ADGRG6: variants seen among roughly 807,000 people sequenced by gnomAD.
ADGRG6 encodes G-protein coupled receptor 126.
A neutral mutation model predicts 142.4 loss-of-function variants in ADGRG6; 84 were observed. That is an observed-to-expected ratio of 0.59 (90% CI 0.49 to 0.71). The LOEUF is 0.71. Ranked by LOEUF, ADGRG6 falls within the 30% of genes least tolerant of loss-of-function variation. The probability of loss-of-function intolerance (pLI) is 0.00; values close to 1 mark genes in which losing one functional copy is unlikely to be tolerated. For missense variants in ADGRG6, 1,367 were observed against 1,466.6 expected (o/e 0.93, Z 1.11); for synonymous variants, 521 against 520.5 (o/e 1.00, Z -0.01).
chr6:142,402,582 G>C (rs1213720498), intron 12 of ADGRG6, 38 bp from the exon 13 acceptor site: 2 of 1,042,332 alleles, frequency 1.9e-6, no homozygotes, highest in Non-Finnish European at 1.5e-6. Flanking sequence ...AAATATTCAG[G>C]TAAAACTTAG....
intron 21 of ADGRG6, 45 bp from the exon 22 acceptor site, chr6:142,419,776 C>T: frequency 6.9e-7 from 1 of 1,456,728 alleles, no homozygotes; most frequent in Non-Finnish European, 9.4e-7. Flanking sequence ...GTAAACAGGA[C>T]ATGGTAATAA....
At chr6:142,334,336 A>G (rs1779208142) in intron 2 of ADGRG6, among the ~76,000 whole-genome samples, 1 of 152,218 alleles carries the variant, frequency 6.6e-6, no homozygotes, top group Non-Finnish European at 1.5e-5. Context: ...ATTGCCAGAT[A>G]TATTACACTT....
chr6:142,418,307 A>C (rs1413864055), intron 21 of ADGRG6, among the ~76,000 whole-genome samples: 1 of 151,138 alleles, frequency 6.6e-6, no homozygotes, highest in Non-Finnish European at 1.5e-5. Flanking sequence ...AAAAAAAAAA[A>C]AAAAAAAAAA....
At chr6:142,405,618 T>A in intron 14 of ADGRG6, 70 bp from the exon 15 acceptor site, 1 of 1,249,166 alleles carries the variant, frequency 8.0e-7, no homozygotes, top group Admixed American at 1.9e-5. Flanking sequence ...CGCCTAACTA[T>A]ACATGTGGAA....
At chr6:142,431,218 A>C (rs1031086250) in intron 22 of ADGRG6, among the ~76,000 whole-genome samples, 1 of 152,162 alleles carries the variant, frequency 6.6e-6, no homozygotes, top group Non-Finnish European at 1.5e-5. Flanking sequence ...TTTAACAAGC[A>C]TGAAGGTTTT....
At chr6:142,361,026 A>G (rs941489537) in intron 2 of ADGRG6, among the ~76,000 whole-genome samples, 2 of 152,144 alleles carry the variant, frequency 1.3e-5, no homozygotes, top group African/African-American at 2.4e-5. Context: ...TTGAATTTCT[A>G]TAATGTCATC....
chr6:142,416,856 TAA>T (rs2115080321), intron 20 of ADGRG6, among the ~76,000 whole-genome samples: 2 of 152,274 alleles, frequency 1.3e-5, no homozygotes, highest in South Asian at 4.1e-4. Flanking sequence ...CCACTTTTTC[TAA>T]AGAGTTTTCT....
intron 2 of ADGRG6, among the ~76,000 whole-genome samples, chr6:142,366,325 A>G (rs1780939620): frequency 6.6e-6 from 1 of 152,198 alleles, no homozygotes; most frequent in Non-Finnish European, 1.5e-5. Context: ...TAGATCTCAT[A>G]GGACTTACAT....
intron 2 of ADGRG6, among the ~76,000 whole-genome samples, chr6:142,354,725 A>C (rs1780360133): frequency 1.3e-5 from 2 of 152,232 alleles, no homozygotes; most frequent in South Asian, 4.1e-4. Flanking sequence ...TTTAAAAGCT[A>C]TTCCTTTCAG....
At chr6:142,419,754 G>A (rs1053895085) in intron 21 of ADGRG6, 67 bp from the exon 22 acceptor site, 4 of 1,283,482 alleles carry the variant, frequency 3.1e-6, no homozygotes, top group African/African-American at 1.5e-5. Flanking sequence ...ACTAAGCTGA[G>A]AAAAGTCTTA....
At position 142,350,447 on chromosome 6, in the gene ADGRG6, T is replaced by C. The variant is rs139268478; in HGVS notation, c.104-17122T>C. Among the ~76,000 whole-genome samples the C allele has an allele frequency of 5.7e-3, 868 of 152,294 alleles. 17 individuals are homozygous for C. The highest frequency in any genetic ancestry group is 0.041 in the Admixed American group (629 of 15,292). On this transcript the variant is annotated intron_variant, in intron 2 of 24. Transcript: ENST00000367609. ...ATATTCTACTAAATGCTGTTGACAA[T>C]AGAGATCCAGGTGGTTCAAGATGAA... is the stretch of plus-strand genomic sequence containing the variant.
chr6:142,321,023 TCCA>T (rs978270717), intron 2 of ADGRG6, among the ~76,000 whole-genome samples: 2 of 151,554 alleles, frequency 1.3e-5, no homozygotes, highest in Non-Finnish European at 2.9e-5. Flanking sequence ...AAGACAAATA[TCCA>T]CCAAGAAAGA....
intron 23 of ADGRG6, chr6:142,437,903 A>AC (rs1001187360): frequency 3.7e-4 from 94 of 255,590 alleles, no homozygotes; most frequent in African/African-American, 2.0e-3. Context: ...TAAAAAAAAA[A>AC]AAAAAACTGA....
At position 142,421,216 on chromosome 6, in the gene ADGRG6, A is replaced by G. The variant is rs553645461; in HGVS notation, c.3319+1112A>G. ...AATAATTGTCACATGGTAGGTGCTT[A>G]ATGATTGGTAAATTAATGGATTGCT... On this transcript the variant is annotated intron_variant, in intron 22 of 24. Coordinates refer to ENST00000367609, the MANE Select transcript of ADGRG6 (RefSeq NM_198569.3). Among the ~76,000 whole-genome samples, 118 of 152,284 alleles carry G rather than the reference A, an allele frequency of 7.7e-4. 1 individual carries two copies. Among genetic ancestry groups the G allele is most frequent in the African/African-American group, 2.7e-3 (114 of 41,558 alleles).
intron 4 of ADGRG6, among the ~76,000 whole-genome samples, chr6:142,371,376 A>T (rs58618846): frequency 0.069 from 10,509 of 151,882 alleles, 886 homozygotes; most frequent in African/African-American, 0.2. Flanking sequence ...CATGTTGGCT[A>T]GGCTGGTCTC....
intron 22 of ADGRG6, among the ~76,000 whole-genome samples, chr6:142,422,573 AT>A (rs1776715070): frequency 6.6e-6 from 1 of 151,854 alleles, no homozygotes; most frequent in African/African-American, 2.4e-5. Flanking sequence ...ATTGTTGGAC[AT>A]TTGGGTTGGT....
chr6:142,332,905 C>T (rs74908958), intron 2 of ADGRG6, among the ~76,000 whole-genome samples: 4,722 of 152,176 alleles, frequency 0.031, 101 homozygotes, highest in Non-Finnish European at 0.045. Flanking sequence ...AAGTTAAGCA[C>T]ATGGAAGTGC....
In ADGRG6 at chr6:142,444,775, T is replaced by C. The variant is rs953131822; in HGVS notation, c.*1260T>C. The C allele has an allele frequency of 1.3e-5, 2 of 152,172 alleles. No individual in the cohort carries two copies. Among genetic ancestry groups the C allele is most frequent in the Non-Finnish European group, 2.9e-5 (2 of 68,034 alleles). 9.4% of individuals were successfully genotyped at this position (152,172 alleles called of 1,614,324 possible). On this transcript the variant is annotated 3_prime_UTR_variant, in exon 25 of 25. Transcript: ENST00000367609. ...TAATGCTTGCTTGCTAATGAATGTATAGGAGACCACATTGTAATTGTTCTT... is the reference window on the plus strand; with the variant it reads ...TAATGCTTGCTTGCTAATGAATGTACAGGAGACCACATTGTAATTGTTCTT...
intron 22 of ADGRG6, among the ~76,000 whole-genome samples, chr6:142,422,940 T>C (rs909357635): frequency 1.3e-5 from 2 of 151,320 alleles, no homozygotes; most frequent in Admixed American, 6.6e-5. Flanking sequence ...TTTTCATGTG[T>C]TCTTTGGCTG....
Sources: allele counts gnomAD v4.1 joint callset (sites outside exome capture counted in the v4.1 genomes callset), GRCh38; gene constraint gnomAD v4.1.1; transcripts MANE v1.5; gene names NCBI Gene and HGNC (gene_info 2026-07-23, HGNC 2026-07-21).